The following APC variants were observed in gnomAD, a reference collection of about 807,000 sequenced individuals.
APC encodes adenomatous polyposis coli protein.
APC carries 72 observed loss-of-function variants against 247.0 expected under a neutral mutation model. The observed-to-expected ratio is 0.29, with a 90% CI of 0.24 to 0.35. The LOEUF is 0.35. Among genes scored for constraint, APC ranks in the 10% least tolerant of loss-of-function variants. The probability of loss-of-function intolerance (pLI) is 1.00; values close to 1 mark genes in which losing one functional copy is unlikely to be tolerated. For synonymous variants in APC, 1,254 were observed against 1,162.5 expected (o/e 1.08, Z -1.60); for missense variants, 3,400 against 3,360.7 (o/e 1.01, Z -0.29).
chr5:112,726,529 G>C (rs1751793567), intron 1 of APC, among the ~76,000 whole-genome samples: 1 of 152,116 alleles, frequency 6.6e-6, no homozygotes, highest in South Asian at 2.1e-4. Context: ...CAGGGGGTTT[G>C]GGGTTTTTAA....
intron 1 of APC, among the ~76,000 whole-genome samples, chr5:112,711,308 A>G (rs1472763178): frequency 6.6e-6 from 1 of 152,192 alleles, no homozygotes; most frequent in Non-Finnish European, 1.5e-5. Flanking sequence ...TCTGAGGTGG[A>G]ACATTTTCAT....
At chr5:112,717,830 C>T (rs892267823) in intron 1 of APC, among the ~76,000 whole-genome samples, 2 of 148,444 alleles carry the variant, frequency 1.3e-5, no homozygotes, top group Admixed American at 1.4e-4. Context: ...ATTCTGTCTC[C>T]TGTCATTTTG....
rs775172323 is a variant in APC at position 112,819,334 on chromosome 5, C to G, written c.1302C>G (p.Asp434Glu). 3.7e-6 allele frequency: 6 copies of G among 1,613,790 alleles called. No individual in the cohort carries two copies. ...QEAHEPGMDQ[D>E]KNPMPAPVEH... Reference sequence around the variant, plus strand: ...CTCATGAACCAGGCATGGACCAGGACAAAAATCCAAGTATGTTCTCTATAG... The same window carrying G: ...CTCATGAACCAGGCATGGACCAGGAGAAAAATCCAAGTATGTTCTCTATAG... Residue 434 changes from aspartate (D) to glutamate (E), a missense_variant, in exon 10 of 16, where the codon GAC becomes GAG. Physicochemically the swap from Asp to Glu is conservative, Grantham distance 45 (BLOSUM62 2). Around this residue, in one of 9 missense-constraint regions of APC, gnomAD observed 199 missense variants for 212.5 expected, o/e 0.94. Transcript: ENST00000257430.
At chr5:112,781,147 CAG>C (rs1758301393) in intron 6 of APC, among the ~76,000 whole-genome samples, 1 of 152,174 alleles carries the variant, frequency 6.6e-6, no homozygotes, top group African/African-American at 2.4e-5. Flanking sequence ...AAGGGAGAGA[CAG>C]AGTTAGATGG....
chr5:112,839,579 C>T lies in APC; in HGVS notation c.3985C>T (p.His1329Tyr), dbSNP rs1385066822. ...PVSEVPAVSQ[H>Y]PRTKSSRLQG... ...GAGCGAAGTTCCAGCAGTGTCACAG[C>T]ACCCTAGAACCAAATCCAGCAGACT... Residue 1329 changes from histidine (H) to tyrosine (Y), a missense_variant, in exon 16 of 16, where the codon CAC (histidine) becomes TAC (tyrosine). Transcript: ENST00000257430. The surrounding 1 kb of genome is among the most constrained non-coding windows in gnomAD (Gnocchi z 5.0). The T allele has an allele frequency of 6.2e-7, 1 of 1,614,024 alleles. No homozygotes were observed. The highest frequency in any genetic ancestry group is 8.5e-7 in the Non-Finnish European group (1 of 1,180,008).
intron 1 of APC, among the ~76,000 whole-genome samples, chr5:112,710,398 T>TTATA (rs367990036): frequency 2.0e-5 from 3 of 151,926 alleles, no homozygotes; most frequent in African/African-American, 4.8e-5. Flanking sequence ...TGTCATCTCT[T>TTATA]TATATATATA....
chr5:112,778,935 C>T (rs1369637408), intron 5 of APC, among the ~76,000 whole-genome samples: 1 of 151,880 alleles, frequency 6.6e-6, no homozygotes, highest in African/African-American at 2.4e-5. Flanking sequence ...TTTGAGAGAC[C>T]AAAATAGACA....
upstream of APC, among the ~76,000 whole-genome samples, chr5:112,736,301 A>T (rs767893731): frequency 1.3e-5 from 2 of 152,240 alleles, no homozygotes; most frequent in African/African-American, 4.8e-5. Context: ...TAAACTTTTA[A>T]TAGAACAGTA....
chr5:112,804,173 C>T (rs966834125), intron 8 of APC, among the ~76,000 whole-genome samples: 1 of 152,280 alleles, frequency 6.6e-6, no homozygotes, highest in South Asian at 2.1e-4. Flanking sequence ...TTTTCCTTGT[C>T]TCCACCTACC....
In APC at chr5:112,843,564, T is replaced by G. The variant is rs2149997171; in HGVS notation, c.7970T>G (p.Val2657Gly). Residue 2657 changes from valine (V) to glycine (G), a missense_variant, in exon 16 of 16, where the codon GTT (valine) becomes GGT (glycine). This residue lies in a region of APC where 1,788 missense variants were observed against 1,649.5 expected (regional missense o/e 1.08). Transcript: ENST00000257430. This position sits in a 1 kb window ranked among gnomAD's most constrained non-coding sequence, Gnocchi z 4.8. The part of the protein sequence containing the change: ...MAPAVSKTED[V>G]WVRIEDCPIN... ...CCTGCTGTTTCTAAAACAGAGGATG[T>G]TTGGGTGAGAATTGAGGACTGTCCC... The G allele has an allele frequency of 1.9e-6, 3 of 1,614,024 alleles. No individual in the cohort carries two copies. Among genetic ancestry groups the G allele is most frequent in the Non-Finnish European group, 2.5e-6 (3 of 1,179,904 alleles).
chr5:112,839,985 A>T lies in APC; in HGVS notation c.4391A>T (p.Glu1464Val), dbSNP rs112961968. Reference sequence around the variant, plus strand: ...AAAGCACCTACTGCTGAAAAGAGAGAGAGTGGACCTAAGCAAGCTGCAGTA... The same window carrying T: ...AAAGCACCTACTGCTGAAAAGAGAGTGAGTGGACCTAAGCAAGCTGCAGTA... The part of the protein sequence containing the change: ...KNKAPTAEKR[E>V]SGPKQAAVNA... Residue 1464 changes from glutamate to valine, a missense_variant, in exon 16 of 16, where the codon GAG becomes GTG. By Grantham distance (121) the Glu-to-Val change is moderately radical. Coordinates refer to ENST00000257430, the MANE Select transcript of APC (RefSeq NM_000038.6). This position sits in a 1 kb window ranked among gnomAD's most constrained non-coding sequence, Gnocchi z 5.0. The T allele has an allele frequency of 1.9e-6, 3 of 1,614,146 alleles. No homozygotes were observed. The highest frequency in any genetic ancestry group is 2.5e-6 in the Non-Finnish European group (3 of 1,180,022).
chr5:112,819,802 A>G (rs1364670999), intron 10 of APC, among the ~76,000 whole-genome samples: 1 of 152,164 alleles, frequency 6.6e-6, no homozygotes, highest in Non-Finnish European at 1.5e-5. Flanking sequence ...CCTCACATCA[A>G]CCTACTGAAG....
At chr5:112,739,687 A>G (rs979286692) in intron 1 of APC, among the ~76,000 whole-genome samples, 2 of 152,184 alleles carry the variant, frequency 1.3e-5, no homozygotes, top group African/African-American at 4.8e-5. Flanking sequence ...TGGGCAACCA[A>G]GCAAGACCCT....
upstream of APC, among the ~76,000 whole-genome samples, chr5:112,736,775 A>G (rs1049650502): frequency 2.0e-5 from 3 of 152,086 alleles, no homozygotes; most frequent in African/African-American, 7.2e-5. Flanking sequence ...TTAGCTGGGC[A>G]TGATGGCACG....
At chr5:112,721,307 G>A (rs1291106808) in intron 1 of APC, among the ~76,000 whole-genome samples, 1 of 152,016 alleles carries the variant, frequency 6.6e-6, no homozygotes, top group African/African-American at 2.4e-5. Flanking sequence ...CCAGCTACTC[G>A]AGAGGCTGAG....
Position 112,837,927 on chromosome 5 carries a change from A to AT in APC, c.2336dup (p.Leu779PhefsTer9), listed in dbSNP as rs1554084079. 1 of 1,614,126 alleles carries AT rather than the reference A, an allele frequency of 6.2e-7. No homozygotes were observed. The highest frequency in any genetic ancestry group is 1.3e-5 in the African/African-American group (1 of 75,072). ...TCAGAAACTTTTGACAATATAGACAATTTAAGTCCCAAGGCATCTCATCGT... is the reference window on the plus strand; with the variant it reads ...TCAGAAACTTTTGACAATATAGACAATTTTAAGTCCCAAGGCATCTCATCGT... On this transcript the variant is annotated frameshift_variant, in exon 16 of 16. Transcript: ENST00000257430. LOFTEE classifies it high-confidence loss of function.
In APC at chr5:112,842,923, C is replaced by T. The variant is rs1384328057; in HGVS notation, c.7329C>T (p.Phe2443=). Residue 2443 remains phenylalanine, a synonymous_variant, in exon 16 of 16, where the codon TTC becomes TTT. Coordinates refer to ENST00000257430, the MANE Select transcript of APC (RefSeq NM_000038.6). Reference sequence around the variant, plus strand: ...CTGTATTAGTACGCCAGTCAACTTTCATCAAAGAAGCTCCAAGCCCAACCT... The same window carrying T: ...CTGTATTAGTACGCCAGTCAACTTTTATCAAAGAAGCTCCAAGCCCAACCT... ...ERPVLVRQST[F]IKEAPSPTLR... is the part of the protein sequence containing the mutation. 6.2e-7 allele frequency: 1 copy of T among 1,613,912 alleles called. No individual in the cohort carries two copies. Among genetic ancestry groups the T allele is most frequent in the African/African-American group, 1.3e-5 (1 of 74,916 alleles).
chr5:112,812,410 C>T (rs1762079399), intron 8 of APC, among the ~76,000 whole-genome samples: 1 of 152,188 alleles, frequency 6.6e-6, no homozygotes, highest in Admixed American at 6.5e-5. Context: ...TCCCTCAGAT[C>T]TATCCTTTAT....
In APC at chr5:112,838,470, C is replaced by T. The variant is rs757526267; in HGVS notation, c.2876C>T (p.Ser959Phe). The T allele has an allele frequency of 2.5e-6, 4 of 1,614,046 alleles. No individual in the cohort carries two copies. Among genetic ancestry groups the T allele is most frequent in the Non-Finnish European group, 3.4e-6 (4 of 1,180,026 alleles). The change falls in exon 16 of 16, where the codon TCT (serine) becomes TTT (phenylalanine). Residue 959 changes from serine (S) to phenylalanine (F), a missense_variant. Ser to Phe is a radical substitution (Grantham distance 155). This residue lies in a region of APC where 715 missense variants were observed against 656.6 expected (regional missense o/e 1.09). Coordinates refer to ENST00000257430, the MANE Select transcript of APC (RefSeq NM_000038.6). ...MPYAKLEYKRSSNDSLNSVSS... is the reference protein window; with the variant it reads ...MPYAKLEYKRFSNDSLNSVSS... ...TATGCCAAATTAGAATACAAGAGATCTTCAAATGATAGTTTAAATAGTGTC... is the reference window on the plus strand; with the variant it reads ...TATGCCAAATTAGAATACAAGAGATTTTCAAATGATAGTTTAAATAGTGTC...
Sources: gnomAD v4.1 joint callset for allele counts (sites outside exome capture counted in the v4.1 genomes callset) on GRCh38, gnomAD v4.1.1 for gene constraint, gnomAD v4.1.1 regional missense constraint, Gnocchi (gnomAD v3.1) non-coding constraint, MANE v1.5 for transcripts, NCBI Gene and HGNC (gene_info 2026-07-23, HGNC 2026-07-21) for gene names.